LEPROTL1: variants seen among roughly 807,000 people sequenced by gnomAD.
LEPROTL1 encodes the protein leptin receptor overlapping transcript-like 1.
A neutral mutation model predicts 15.4 loss-of-function variants in LEPROTL1; 6 were observed. The observed-to-expected ratio is 0.39, with a 90% CI of 0.21 to 0.77. The LOEUF is 0.77. Ranked by LOEUF, LEPROTL1 falls within the 30% of genes least tolerant of loss-of-function variation. The probability of loss-of-function intolerance (pLI) is 0.41; values close to 1 mark genes in which losing one functional copy is unlikely to be tolerated. For synonymous variants in LEPROTL1, 56 were observed against 52.6 expected (o/e 1.06, Z -0.28); for missense variants, 128 against 158.1 (o/e 0.81, Z 1.02).
At chr8:30,137,184 A>G (rs1803166273) in intron 4 of LEPROTL1, 1 of 1,019,266 alleles carries the variant, frequency 9.8e-7, no homozygotes, top group African/African-American at 1.6e-5. Context: ...CAGATCACAA[A>G]GCAATGTTTC....
intron 4 of LEPROTL1, among the ~76,000 whole-genome samples, chr8:30,135,449 C>G (rs534027333): frequency 3.9e-5 from 6 of 152,134 alleles, no homozygotes; most frequent in Non-Finnish European, 5.9e-5. Flanking sequence ...AAATACGAAC[C>G]AGGCCCTGGC....
chr8:30,126,001 A>C (rs1802899663), intron 3 of LEPROTL1, among the ~76,000 whole-genome samples: 1 of 152,236 alleles, frequency 6.6e-6, no homozygotes, highest in South Asian at 2.1e-4. Flanking sequence ...AAGTTTCCTG[A>C]ACCATCTCCT....
At chr8:30,115,223 G>A (rs2117504151) in intron 3 of LEPROTL1, among the ~76,000 whole-genome samples, 1 of 152,118 alleles carries the variant, frequency 6.6e-6, no homozygotes, top group South Asian at 2.1e-4. Flanking sequence ...TTAGCCGGAT[G>A]TGGTGCCGCT....
chr8:30,126,446 A>G (rs187506268), intron 3 of LEPROTL1, among the ~76,000 whole-genome samples: 245 of 152,334 alleles, frequency 1.6e-3, no homozygotes, highest in African/African-American at 5.7e-3. Flanking sequence ...CGTTCAAACC[A>G]TACCAACCTC....
intron 3 of LEPROTL1, among the ~76,000 whole-genome samples, chr8:30,120,103 A>G (rs1802807419): frequency 2.0e-5 from 3 of 148,914 alleles, no homozygotes; most frequent in Admixed American, 6.7e-5. Flanking sequence ...ATAAATAAAT[A>G]AATGTATGTT....
At chr8:30,118,966 A>G (rs1285657804) in intron 3 of LEPROTL1, among the ~76,000 whole-genome samples, 1 of 152,116 alleles carries the variant, frequency 6.6e-6, no homozygotes, top group Admixed American at 6.6e-5. Context: ...AGCACAGACC[A>G]TTCATGGGTG....
intron 3 of LEPROTL1, among the ~76,000 whole-genome samples, chr8:30,119,811 A>C (rs921721557): frequency 6.6e-6 from 1 of 152,152 alleles, no homozygotes; most frequent in East Asian, 1.9e-4. Context: ...GCTCATGTCT[A>C]TAATCCCAGC....
intron 3 of LEPROTL1, among the ~76,000 whole-genome samples, chr8:30,115,386 A>G (rs1036356105): frequency 2.6e-5 from 4 of 151,570 alleles, no homozygotes; most frequent in African/African-American, 9.7e-5. Context: ...ATGTACCCCC[A>G]GATATGATGT....
At chr8:30,109,183 ACAAG>A (rs1448341295), downstream of LEPROTL1, among the ~76,000 whole-genome samples, 10 of 152,250 alleles carry the variant, frequency 6.6e-5, no homozygotes, top group Admixed American at 1.3e-4. Flanking sequence ...ACCAAAGTTA[ACAAG>A]CAACACAACG....
chr8:30,099,186 C>G (rs75859824), intron 1 of LEPROTL1, among the ~76,000 whole-genome samples: 1 of 152,222 alleles, frequency 6.6e-6, no homozygotes, highest in Admixed American at 6.5e-5. Flanking sequence ...TGTCATTGCT[C>G]TGTCTCCAGT....
At chr8:30,112,684 A>G (rs1802673318), downstream of LEPROTL1, among the ~76,000 whole-genome samples, 1 of 151,888 alleles carries the variant, frequency 6.6e-6, no homozygotes, top group Non-Finnish European at 1.5e-5. Context: ...CTAGTGGTGT[A>G]ACCTTAGCCG....
chr8:30,109,188 C>G (rs7357468), downstream of LEPROTL1, among the ~76,000 whole-genome samples: 112,250 of 152,136 alleles, frequency 0.74, 43,642 homozygotes, highest in South Asian at 0.86. Context: ...AGTTAACAAG[C>G]AACACAACGT....
rs76781602 is a variant in LEPROTL1 at position 30,114,699 on chromosome 8, C to T, written c.279+10213C>T. Among the ~76,000 whole-genome samples, 1,106 of 152,306 alleles carry T rather than the reference C, an allele frequency of 7.3e-3. 23 individuals carry two copies. The highest frequency in any genetic ancestry group is 0.025 in the African/African-American group (1,057 of 41,558). ...CCAGATGGGCTCAGTTATGCTTCAGCAGCGAACGACTCCCATATCTCAGGG... is the reference window on the plus strand; with the variant it reads ...CCAGATGGGCTCAGTTATGCTTCAGTAGCGAACGACTCCCATATCTCAGGG... On this transcript the variant is annotated intron_variant, in intron 3 of 4. Coordinates refer to the LEPROTL1 transcript ENST00000442880.
In LEPROTL1 at chr8:30,132,957, C is replaced by T. The variant is rs981958963; in HGVS notation, c.394+468C>T. ...TAAAAACACTCTGTATTTATTCTCT[C>T]TCTCTTATTCCAGTCTGTCATACAT... On this transcript the variant is annotated intron_variant, in intron 4 of 4. Coordinates refer to the LEPROTL1 transcript ENST00000442880. 3 of 1,458,724 alleles carry T rather than the reference C, an allele frequency of 2.1e-6. No homozygotes were observed. The Admixed American group carries it at 8.0e-5, about 39-fold the overall frequency. 90.4% of individuals were successfully genotyped at this position (1,458,724 alleles called of 1,614,324 possible).
chr8:30,137,695 A>G (rs1356987590), exon 5 of LEPROTL1: 2 of 583,042 alleles, frequency 3.4e-6, no homozygotes, highest in Admixed American at 6.3e-5. Flanking sequence ...CATTCCCGGG[A>G]CTCATTTTGG....
downstream of LEPROTL1, among the ~76,000 whole-genome samples, chr8:30,110,029 G>A (rs1208571385): frequency 6.6e-6 from 1 of 152,144 alleles, no homozygotes; most frequent in African/African-American, 2.4e-5. Flanking sequence ...ACCTTTGTCT[G>A]ATTTCCAGGG....
chr8:30,104,568 A>G, intron 3 of LEPROTL1, 82 bp downstream of exon 3: 1 of 893,540 alleles, frequency 1.1e-6, no homozygotes, highest in Non-Finnish European at 1.6e-6. Context: ...TGTTAATGAC[A>G]TGAAAAGAGG....
At chr8:30,115,539 A>AATT (rs1325947131) in intron 3 of LEPROTL1, among the ~76,000 whole-genome samples, 1 of 74,356 alleles carries the variant, frequency 1.3e-5, no homozygotes, top group African/African-American at 5.6e-5. Context: ...TGCCTGGCTA[A>AATT]TTTTTTTTTT....
chr8:30,126,735 G>A (rs1802911858), intron 3 of LEPROTL1, among the ~76,000 whole-genome samples: 1 of 152,154 alleles, frequency 6.6e-6, no homozygotes, highest in Admixed American at 6.6e-5. Flanking sequence ...CAGAAGGATG[G>A]GGCTGCACTA....
Sources: allele counts gnomAD v4.1 joint callset (sites outside exome capture counted in the v4.1 genomes callset), GRCh38; gene constraint gnomAD v4.1.1; transcripts MANE v1.5; gene names NCBI Gene and HGNC (gene_info 2026-07-23, HGNC 2026-07-21).